Variants in FAM107B observed in about 807,000 individuals in gnomAD.
The protein encoded by FAM107B is protein FAM107B.
A neutral mutation model predicts 31.5 loss-of-function variants in FAM107B; 21 were observed. The ratio of observed to expected loss-of-function variants is 0.67; its 90% confidence interval spans 0.47 to 0.96. FAM107B has a LOEUF of 0.96. Among genes scored for constraint, FAM107B ranks in the 40% least tolerant of loss-of-function variants. The pLI is 0.00. For synonymous variants in FAM107B, 157 were observed against 141.5 expected, an observed-to-expected ratio of 1.11 and a Z score of -0.78; for missense variants, 452 against 377.1, an observed-to-expected ratio of 1.20 and a Z score of -1.64.
chr10:14,521,467 T>C lies in FAM107B; in HGVS notation c.805-161A>G, dbSNP rs766436668. ...AAATGGATGGATAGAGTCTGGGTAA[T>C]TGTGCACAGAAACAGAAGCCACTTG... On this transcript the variant is annotated intron_variant, in intron 4 of 4. Coordinates refer to ENST00000181796, the MANE Select transcript of FAM107B (RefSeq NM_031453.4). 5.4e-4 allele frequency among the ~76,000 whole-genome samples: 82 copies of C among 152,146 alleles called. 1 individual carries two copies. The highest frequency in any genetic ancestry group is 1.2e-4 in the Non-Finnish European group (8 of 68,022).
chr10:14,738,212 C>T (rs1564281280), intron 1 of FAM107B, among the ~76,000 whole-genome samples: 1 of 152,204 alleles, frequency 6.6e-6, no homozygotes, highest in South Asian at 2.1e-4. Flanking sequence ...GAATCCAAAT[C>T]CGCATGTGAC....
intron 1 of FAM107B, among the ~76,000 whole-genome samples, chr10:14,678,939 A>T (rs1224423762): frequency 4.6e-5 from 7 of 152,190 alleles, no homozygotes; most frequent in African/African-American, 1.7e-4. Context: ...CATGGCAGAT[A>T]CAACTATTGT....
chr10:14,590,527 C>A (rs1341498713), intron 2 of FAM107B, among the ~76,000 whole-genome samples: 2 of 152,212 alleles, frequency 1.3e-5, no homozygotes, highest in Non-Finnish European at 2.9e-5. Context: ...TGTAGTATGT[C>A]ACCGTGCAGC....
rs532897004 is a variant in FAM107B, at chr10:14,530,711, G to T, written c.470-196C>A. Among the ~76,000 whole-genome samples the T allele has an allele frequency of 4.6e-5, 7 of 152,272 alleles. No individual in the cohort carries two copies. The South Asian group carries it at 1.4e-3, about 32-fold the overall frequency. ...GGGCAGGGAAGAGAATGGTGGCCTG[G>T]TCTCGTCTTGCCCATGACTAAGGCC... On this transcript the variant is annotated intron_variant, in intron 2 of 4. Coordinates refer to ENST00000181796, the MANE Select transcript of FAM107B (RefSeq NM_031453.4).
intron 1 of FAM107B, among the ~76,000 whole-genome samples, chr10:14,669,369 A>AC (rs1033468879): frequency 1.6e-4 from 24 of 148,252 alleles, no homozygotes; most frequent in Non-Finnish European, 3.3e-4. Flanking sequence ...GACTCTGTCA[A>AC]AAAAAAAAAA....
intron 1 of FAM107B, among the ~76,000 whole-genome samples, chr10:14,709,763 C>G (rs1855598103): frequency 6.6e-6 from 1 of 152,114 alleles, no homozygotes; most frequent in African/African-American, 2.4e-5. Flanking sequence ...CACAATCAAC[C>G]CGTGAAAAGA....
chr10:14,563,889 T>C (rs570031795), intron 2 of FAM107B, among the ~76,000 whole-genome samples: 26 of 152,314 alleles, frequency 1.7e-4, no homozygotes, highest in African/African-American at 5.8e-4. Flanking sequence ...CTCTTCTCAC[T>C]AAATTTTTTT....
chr10:14,582,084 A>G (rs1851653658), intron 2 of FAM107B, among the ~76,000 whole-genome samples: 1 of 152,200 alleles, frequency 6.6e-6, no homozygotes, highest in South Asian at 2.1e-4. Flanking sequence ...GTTATGGCAC[A>G]TAAGAATAAA....
chr10:14,612,905 A>AATAC (rs1852759256), intron 2 of FAM107B, among the ~76,000 whole-genome samples: 1 of 152,220 alleles, frequency 6.6e-6, no homozygotes, highest in Non-Finnish European at 1.5e-5. Flanking sequence ...GATGAAATAA[A>AATAC]AATTCCTAGA....
intron 1 of FAM107B, among the ~76,000 whole-genome samples, chr10:14,726,203 G>A (rs1309868379): frequency 6.6e-6 from 1 of 152,196 alleles, no homozygotes; most frequent in Non-Finnish European, 1.5e-5. Flanking sequence ...ATGTTGGCCA[G>A]GCTGGCCTTG....
In FAM107B at chr10:14,727,782, T is replaced by C. The variant is rs149374943; in HGVS notation, c.411+46471A>G. On this transcript the variant is annotated intron_variant, in intron 1 of 4. Transcript: ENST00000181796. ...CACTAAAACAAGACATCAAGATGCTTCACCACATTTCCATGCTTTAATAGC... is the reference window on the plus strand; with the variant it reads ...CACTAAAACAAGACATCAAGATGCTCCACCACATTTCCATGCTTTAATAGC... Among the ~76,000 whole-genome samples, 1,004 of 152,342 alleles carry C rather than the reference T, an allele frequency of 6.6e-3. 8 individuals carry two copies. Among genetic ancestry groups the C allele is most frequent in the Non-Finnish European group, 9.5e-3 (644 of 68,038 alleles).
At chr10:14,740,316 G>T (rs1054126670) in intron 1 of FAM107B, among the ~76,000 whole-genome samples, 4 of 152,130 alleles carry the variant, frequency 2.6e-5, no homozygotes, top group Admixed American at 6.5e-5. Context: ...AGACATGGAG[G>T]AACACTAAAT....
At chr10:14,700,186 G>A (rs971444752) in intron 1 of FAM107B, among the ~76,000 whole-genome samples, 1 of 152,116 alleles carries the variant, frequency 6.6e-6, no homozygotes, top group East Asian at 1.9e-4. Flanking sequence ...ACCTGCCTCG[G>A]CCTCCCAAAG....
chr10:14,518,801 CTAT>C lies in FAM107B; in HGVS notation c.*2386_*2388del, dbSNP rs1213216730. On this transcript the variant is annotated 3_prime_UTR_variant, in exon 5 of 5. Coordinates refer to ENST00000181796, the MANE Select transcript of FAM107B (RefSeq NM_031453.4). ...TATAGCTTAGAAAGCAACACTACTA[CTAT>C]GAGACTATAAAACATTAAACTATTT... The C allele has an allele frequency of 3.9e-5, 6 of 152,720 alleles. No homozygotes were observed. In the South Asian group the frequency reaches 1.0e-3, roughly 26 times the overall value. The allele number at this position is 152,720 out of a possible 1,614,324, so 9.5% of individuals were successfully genotyped here. A position where few individuals can be genotyped will look rare whatever the true frequency, so the allele number is the denominator to read the frequency against.
intron 2 of FAM107B, among the ~76,000 whole-genome samples, chr10:14,550,649 G>A (rs1849170513): frequency 6.6e-6 from 1 of 152,204 alleles, no homozygotes; most frequent in African/African-American, 2.4e-5. Context: ...CTTTCCCTGA[G>A]TTACCCAAGT....
intron 1 of FAM107B, among the ~76,000 whole-genome samples, chr10:14,705,566 T>C (rs1048867432): frequency 6.6e-6 from 1 of 152,052 alleles, no homozygotes; most frequent in African/African-American, 2.4e-5. Flanking sequence ...CACCACAACA[T>C]AACTGGATCT....
intron 1 of FAM107B, among the ~76,000 whole-genome samples, chr10:14,711,682 C>T (rs1225389567): frequency 3.3e-5 from 5 of 152,262 alleles, no homozygotes; most frequent in South Asian, 2.1e-4. Context: ...CTCGTTCTGT[C>T]GCGCAGGCTG....
At chr10:14,643,344 C>T (rs951143933) in intron 2 of FAM107B, among the ~76,000 whole-genome samples, 1 of 151,796 alleles carries the variant, frequency 6.6e-6, no homozygotes, top group Non-Finnish European at 1.5e-5. Flanking sequence ...CAGGAGGGAT[C>T]CCCTCTTACT....
At chr10:14,764,373 A>C (rs1188115710) in intron 1 of FAM107B, among the ~76,000 whole-genome samples, 2 of 152,154 alleles carry the variant, frequency 1.3e-5, no homozygotes, top group Non-Finnish European at 2.9e-5. Context: ...CTATGTGCTT[A>C]GGTTCCAACA....
Sources: allele counts gnomAD v4.1 joint callset (sites outside exome capture counted in the v4.1 genomes callset), GRCh38; gene constraint gnomAD v4.1.1; transcripts MANE v1.5; gene names NCBI Gene and HGNC (gene_info 2026-07-23, HGNC 2026-07-21).